Variants in CNTNAP2 observed in about 807,000 individuals in gnomAD.
The protein encoded by CNTNAP2 is contactin associated protein 2.
CNTNAP2 carries 98 observed loss-of-function variants against 155.2 expected under a neutral mutation model. That is an observed-to-expected ratio of 0.63 (90% confidence interval 0.54 to 0.75). The LOEUF (loss-of-function observed/expected upper bound fraction) is 0.75. Ranked by LOEUF, CNTNAP2 falls within the 30% of genes least tolerant of loss-of-function variation. The probability of loss-of-function intolerance (pLI) is 0.00; values close to 1 mark genes in which losing one functional copy is unlikely to be tolerated. For missense variants in CNTNAP2, 1,727 were observed against 1,688.1 expected (o/e 1.02, Z -0.40); for synonymous variants, 651 against 631.2 (o/e 1.03, Z -0.47).
chr7:147,586,585 G>A (rs1480004619), intron 12 of CNTNAP2, among the ~76,000 whole-genome samples: 1 of 122,382 alleles, frequency 8.2e-6, no homozygotes, highest in African/African-American at 2.7e-5. Context: ...GAGGGAAAGA[G>A]GAAAGGAGGG....
chr7:146,606,265 T>G (rs752023863), intron 1 of CNTNAP2, among the ~76,000 whole-genome samples: 1 of 152,170 alleles, frequency 6.6e-6, no homozygotes. Context: ...ATTGTATGTA[T>G]GCTTGAGCAT....
chr7:146,149,639 A>T (rs1004071097), intron 1 of CNTNAP2, among the ~76,000 whole-genome samples: 4 of 152,142 alleles, frequency 2.6e-5, no homozygotes, highest in Non-Finnish European at 5.9e-5. Flanking sequence ...CACCAAAGTG[A>T]TGTAATGGAG....
At chr7:147,033,626 A>G (rs1799087565) in intron 3 of CNTNAP2, among the ~76,000 whole-genome samples, 1 of 152,136 alleles carries the variant, frequency 6.6e-6, no homozygotes, top group Admixed American at 6.6e-5. Context: ...GGAAATGCAC[A>G]TTTATATTCA....
At chr7:146,873,278 A>G (rs1307774768) in intron 3 of CNTNAP2, among the ~76,000 whole-genome samples, 1 of 152,216 alleles carries the variant, frequency 6.6e-6, no homozygotes, top group African/African-American at 2.4e-5. Context: ...TGCAAGACAG[A>G]TTTTGAAGCA....
intron 13 of CNTNAP2, among the ~76,000 whole-genome samples, chr7:147,894,953 C>CTTTTTT (rs1799752200): frequency 7.9e-5 from 5 of 63,124 alleles, no homozygotes; most frequent in Non-Finnish European, 1.2e-4. Flanking sequence ...TTCTTTCTTT[C>CTTTTTT]TTTCTTTCTT....
intron 3 of CNTNAP2, among the ~76,000 whole-genome samples, chr7:146,950,946 C>G (rs1316731531): frequency 6.6e-6 from 1 of 152,214 alleles, no homozygotes; most frequent in East Asian, 1.9e-4. Context: ...CACATCCTCT[C>G]CAGCATCTGT....
chr7:146,672,171 G>C (rs778192264), intron 1 of CNTNAP2, among the ~76,000 whole-genome samples: 5 of 152,084 alleles, frequency 3.3e-5, no homozygotes, highest in Non-Finnish European at 7.4e-5. Context: ...CATCAGAGAT[G>C]CTCTCTCTCA....
At chr7:146,401,316 C>T (rs1795710385) in intron 1 of CNTNAP2, among the ~76,000 whole-genome samples, 1 of 151,524 alleles carries the variant, frequency 6.6e-6, no homozygotes, top group Admixed American at 6.6e-5. Context: ...GTCGATATGG[C>T]CAGAGACTAG....
chr7:147,932,466 G>A (rs930432806), intron 14 of CNTNAP2, among the ~76,000 whole-genome samples: 1 of 152,130 alleles, frequency 6.6e-6, no homozygotes, highest in Non-Finnish European at 1.5e-5. Flanking sequence ...GGGAGAGGAT[G>A]ATTTCTTCAA....
chr7:146,119,748 A>G (rs1466443416), intron 1 of CNTNAP2, among the ~76,000 whole-genome samples: 1 of 152,148 alleles, frequency 6.6e-6, no homozygotes, highest in Non-Finnish European at 1.5e-5. Flanking sequence ...GCCAATTTAC[A>G]TCATTTAGTA....
In CNTNAP2 at chr7:148,231,536, C is replaced by CCCTT. The variant is rs557001755; in HGVS notation, c.3381+1768_3381+1771dup. Reference sequence around the variant, plus strand: ...CTAGAATACCACTAGGTTTCTCTCTCCCTTCCTTCCTTCCCTCCCTCTTTT... The same window carrying CCCTT: ...CTAGAATACCACTAGGTTTCTCTCTCCCTTCCTTCCTTCCTTCCCTCCCTCTTTT... On this transcript the variant is annotated intron_variant, in intron 20 of 23. Transcript: ENST00000361727. Among the ~76,000 whole-genome samples, 212 of 152,190 alleles carry CCCTT rather than the reference C, an allele frequency of 1.4e-3. 1 individual carries two copies. Among genetic ancestry groups the CCCTT allele is most frequent in the Non-Finnish European group, 2.4e-3 (166 of 67,982 alleles).
At chr7:147,389,381 G>A (rs568339536) in intron 9 of CNTNAP2, among the ~76,000 whole-genome samples, 1 of 152,162 alleles carries the variant, frequency 6.6e-6, no homozygotes, top group Non-Finnish European at 1.5e-5. Flanking sequence ...TTTTAAACAT[G>A]TCAATTTTTC....
At chr7:146,821,894 C>T (rs573152228) in intron 2 of CNTNAP2, among the ~76,000 whole-genome samples, 2,699 of 151,422 alleles carry the variant, frequency 0.018, 33 homozygotes, top group Non-Finnish European at 0.03. Context: ...CTAGTTCAAC[C>T]ATTGTGGAAG....
At position 146,321,591 on chromosome 7, in the gene CNTNAP2, G is replaced by A. The variant is rs142028383; in HGVS notation, c.97+204618G>A. Among the ~76,000 whole-genome samples the A allele has an allele frequency of 7.3e-3, 1,107 of 152,238 alleles. 6 individuals carry two copies. Among genetic ancestry groups the A allele is most frequent in the Non-Finnish European group, 0.012 (810 of 68,020 alleles). ...ATGGCAAATAACAGTGGCTGCAGCC[G>A]CCTTAAAAACAGAAGAGAATGGAGT... On this transcript the variant is annotated intron_variant, in intron 1 of 23. Coordinates refer to ENST00000361727, the MANE Select transcript of CNTNAP2 (RefSeq NM_014141.6).
intron 16 of CNTNAP2, among the ~76,000 whole-genome samples, chr7:148,134,859 T>C (rs1397213003): frequency 1.3e-5 from 2 of 152,184 alleles, no homozygotes; most frequent in Admixed American, 6.5e-5. Flanking sequence ...TATAATCCCA[T>C]ATTCCAATAT....
At chr7:148,122,250 C>T (rs1437473583) in intron 16 of CNTNAP2, among the ~76,000 whole-genome samples, 1 of 152,160 alleles carries the variant, frequency 6.6e-6, no homozygotes, top group Non-Finnish European at 1.5e-5. Flanking sequence ...ATGTGTCTGT[C>T]CCAAAGTCAT....
intron 8 of CNTNAP2, among the ~76,000 whole-genome samples, chr7:147,227,321 A>G (rs1803570428): frequency 6.6e-6 from 1 of 152,058 alleles, no homozygotes; most frequent in African/African-American, 2.4e-5. Context: ...GACTCTTGTA[A>G]GCTACTGAAA....
At chr7:146,122,729 G>A (rs938352798) in intron 1 of CNTNAP2, among the ~76,000 whole-genome samples, 7 of 152,044 alleles carry the variant, frequency 4.6e-5, no homozygotes, top group Non-Finnish European at 7.4e-5. Flanking sequence ...TTAGAATACC[G>A]TTTCTTTATC....
intron 1 of CNTNAP2, among the ~76,000 whole-genome samples, chr7:146,227,003 G>C (rs557051697): frequency 2.4e-4 from 37 of 152,190 alleles, no homozygotes; most frequent in African/African-American, 8.4e-4. Flanking sequence ...CTAAATGAAT[G>C]AAAAAGGCAG....
Sources: allele counts gnomAD v4.1 joint callset (sites outside exome capture counted in the v4.1 genomes callset), GRCh38; gene constraint gnomAD v4.1.1; transcripts MANE v1.5; gene names NCBI Gene and HGNC (gene_info 2026-07-23, HGNC 2026-07-21).